Variants in NKAIN2 observed in about 807,000 individuals in gnomAD.
NKAIN2 encodes the protein sodium/potassium transporting ATPase interacting 2.
Under a neutral mutation model 32.6 loss-of-function variants are expected in NKAIN2, and 14 were observed. The observed-to-expected ratio is 0.43, with a 90% confidence interval of 0.28 to 0.67. NKAIN2 has a LOEUF of 0.67. NKAIN2 is among the 30% of genes least tolerant of loss of function. NKAIN2 has a pLI of 0.17. For missense variants in NKAIN2, 198 were observed against 258.3 expected, an observed-to-expected ratio of 0.77 and a Z score of 1.60; for synonymous variants, 80 against 87.2, an observed-to-expected ratio of 0.92 and a Z score of 0.46.
chr6:124,483,988 A>T (rs2114706761), intron 3 of NKAIN2, among the ~76,000 whole-genome samples: 1 of 152,358 alleles, frequency 6.6e-6, no homozygotes, highest in Non-Finnish European at 1.5e-5. Context: ...AGGCTATAGC[A>T]ATTTTAGATC....
chr6:123,957,649 G>A (rs563278552), intron 1 of NKAIN2, among the ~76,000 whole-genome samples: 1 of 152,196 alleles, frequency 6.6e-6, no homozygotes, highest in East Asian at 1.9e-4. Flanking sequence ...CAATTTAGAT[G>A]TTTACAAATA....
rs946979177 is a variant in NKAIN2, at chr6:124,217,434, G to GA, written c.55-65561dup. ...GTAATGTCTTTTAATCCATGGTAGA[G>GA]AAAAAAAAAAGTCTTTCAGGGGGTG... On this transcript the variant is annotated intron_variant, in intron 1 of 6. Coordinates refer to ENST00000368417, the MANE Select transcript of NKAIN2 (RefSeq NM_001040214.3). Among the ~76,000 whole-genome samples the GA allele has an allele frequency of 2.0e-4, 29 of 145,820 alleles. 1 individual carries two copies. Among genetic ancestry groups the GA allele is most frequent in the African/African-American group, 5.3e-4 (21 of 39,834 alleles).
At chr6:124,395,833 CA>C (rs1266283873) in intron 3 of NKAIN2, among the ~76,000 whole-genome samples, 1 of 151,948 alleles carries the variant, frequency 6.6e-6, no homozygotes, top group East Asian at 1.9e-4. Context: ...AGTATCATTC[CA>C]TGCTGAAAAT....
chr6:123,995,428 T>A (rs1779578308), intron 1 of NKAIN2, among the ~76,000 whole-genome samples: 1 of 152,186 alleles, frequency 6.6e-6, no homozygotes, highest in Admixed American at 6.5e-5. Flanking sequence ...AAGTTAACAT[T>A]TCTTGCTTAC....
intron 3 of NKAIN2, among the ~76,000 whole-genome samples, chr6:124,464,797 C>T (rs141426085): frequency 4.6e-5 from 7 of 152,134 alleles, no homozygotes; most frequent in African/African-American, 9.6e-5. Context: ...AGTCAGGTCA[C>T]GTGATGCCTC....
At chr6:123,824,758 A>G (rs1362399244) in intron 1 of NKAIN2, among the ~76,000 whole-genome samples, 1 of 151,968 alleles carries the variant, frequency 6.6e-6, no homozygotes, top group Admixed American at 6.6e-5. Flanking sequence ...AGAAAAAACA[A>G]TTACTATCCC....
chr6:124,508,501 C>T lies in NKAIN2; in HGVS notation c.274-149685C>T, dbSNP rs558708074. ...CTGGGACTACAGGCGCCACCATGCC[C>T]GGCTAATTTTTTTTTGTATTTTTAG... On this transcript the variant is annotated intron_variant, in intron 3 of 6. Coordinates refer to ENST00000368417, the MANE Select transcript of NKAIN2 (RefSeq NM_001040214.3). Among the ~76,000 whole-genome samples, 67 of 19,044 alleles carry T rather than the reference C, an allele frequency of 3.5e-3. No individual in the cohort carries two copies. The East Asian group carries it at 0.13, about 38-fold the overall frequency. 12.5% of individuals were successfully genotyped at this position (19,044 alleles called of 152,430 possible). A position where few individuals can be genotyped will look rare whatever the true frequency, so the allele number is the denominator to read the frequency against.
intron 3 of NKAIN2, among the ~76,000 whole-genome samples, chr6:124,580,517 A>G (rs1216839100): frequency 2.6e-5 from 4 of 152,216 alleles, no homozygotes; most frequent in African/African-American, 9.6e-5. Flanking sequence ...CAACAGATGC[A>G]CAAAAAATTA....
intron 3 of NKAIN2, among the ~76,000 whole-genome samples, chr6:124,422,932 A>C (rs939628955): frequency 1.3e-5 from 2 of 152,248 alleles, no homozygotes; most frequent in African/African-American, 4.8e-5. Flanking sequence ...CCAAACCCTC[A>C]ACTTCATGAC....
At chr6:124,655,381 A>T (rs1370791669) in intron 3 of NKAIN2, among the ~76,000 whole-genome samples, 1 of 151,986 alleles carries the variant, frequency 6.6e-6, no homozygotes, top group East Asian at 1.9e-4. Flanking sequence ...TTAATGGTAT[A>T]TGTTTGCTTT....
At chr6:124,775,724 G>T (rs1402324074) in intron 4 of NKAIN2, among the ~76,000 whole-genome samples, 1 of 152,162 alleles carries the variant, frequency 6.6e-6, no homozygotes, top group Non-Finnish European at 1.5e-5. Context: ...CGTGAGCAGT[G>T]ACCCTACTAT....
chr6:124,776,021 C>T (rs764497462), intron 4 of NKAIN2, among the ~76,000 whole-genome samples: 11 of 152,128 alleles, frequency 7.2e-5, no homozygotes, highest in Admixed American at 2.0e-4. Flanking sequence ...CTTCAGTACA[C>T]GGCTCCTTTT....
chr6:124,488,762 T>C (rs1014127516), intron 3 of NKAIN2, among the ~76,000 whole-genome samples: 1 of 152,022 alleles, frequency 6.6e-6, no homozygotes, highest in African/African-American at 2.4e-5. Context: ...AGCAATATAA[T>C]AAAGCTATCA....
At position 123,810,117 on chromosome 6, in the gene NKAIN2, G is replaced by A. The variant is rs188342775; in HGVS notation, c.54+5863G>A. 2.7e-4 allele frequency among the ~76,000 whole-genome samples: 41 copies of A among 152,010 alleles called. No individual in the cohort carries two copies. In the East Asian group the frequency reaches 7.7e-3, roughly 29 times the overall value. On this transcript the variant is annotated intron_variant, in intron 1 of 6. Transcript: ENST00000368417. ...CCTCTCTGGTAATCCTATGAGGCAGGTAATAGATATTAATATCCTCACTTT... is the reference window on the plus strand; with the variant it reads ...CCTCTCTGGTAATCCTATGAGGCAGATAATAGATATTAATATCCTCACTTT...
chr6:124,350,728 T>C (rs1042737379), intron 2 of NKAIN2, among the ~76,000 whole-genome samples: 7 of 152,236 alleles, frequency 4.6e-5, no homozygotes, highest in African/African-American at 9.6e-5. Flanking sequence ...GAAAGGAACA[T>C]TTGCTATATT....
intron 3 of NKAIN2, among the ~76,000 whole-genome samples, chr6:124,432,920 G>A (rs971577207): frequency 2.0e-5 from 3 of 151,956 alleles, no homozygotes; most frequent in Non-Finnish European, 4.4e-5. Flanking sequence ...TCTTCCTTGT[G>A]AACTGGCCTG....
At chr6:123,862,463 A>G (rs1775820393) in intron 1 of NKAIN2, among the ~76,000 whole-genome samples, 3 of 152,136 alleles carry the variant, frequency 2.0e-5, no homozygotes, top group African/African-American at 7.2e-5. Flanking sequence ...TTCATCATCC[A>G]AAAAGGTTAA....
chr6:124,685,832 C>T (rs1229713716), intron 4 of NKAIN2, among the ~76,000 whole-genome samples: 2 of 152,206 alleles, frequency 1.3e-5, no homozygotes, highest in African/African-American at 4.8e-5. Flanking sequence ...TTATCTATTG[C>T]TGCTATATCA....
At chr6:124,776,211 G>A (rs1308823634) in intron 4 of NKAIN2, among the ~76,000 whole-genome samples, 3 of 152,124 alleles carry the variant, frequency 2.0e-5, no homozygotes, top group African/African-American at 7.2e-5. Flanking sequence ...AGTCTCCATG[G>A]ACATTTTTGC....
Sources: gnomAD v4.1 joint callset for allele counts (sites outside exome capture counted in the v4.1 genomes callset) on GRCh38, gnomAD v4.1.1 for gene constraint, MANE v1.5 for transcripts, NCBI Gene and HGNC (gene_info 2026-07-23, HGNC 2026-07-21) for gene names.